TMEM106B: variants seen among roughly 807,000 people sequenced by gnomAD.
TMEM106B encodes the protein transmembrane protein 106B.
A neutral mutation model predicts 31.1 loss-of-function variants in TMEM106B; 15 were observed. That is an observed-to-expected ratio of 0.48 (90% CI 0.32 to 0.74). The LOEUF is 0.74. TMEM106B is among the 30% of genes least tolerant of loss of function. The pLI is 0.03. For synonymous variants in TMEM106B, 126 were observed against 112.5 expected (o/e 1.12, Z -0.76); for missense variants, 283 against 327.3 (o/e 0.86, Z 1.04).
At chr7:12,220,861 T>G (rs1781772016) in intron 3 of TMEM106B, among the ~76,000 whole-genome samples, 1 of 152,112 alleles carries the variant, frequency 6.6e-6, no homozygotes, top group African/African-American at 2.4e-5. Flanking sequence ...AATAGAGGAC[T>G]GATGGAATAA....
At chr7:12,224,187 T>G (rs1219432686) in intron 3 of TMEM106B, 39 bp from the exon 4 acceptor site, 1 of 1,580,608 alleles carries the variant, frequency 6.3e-7, no homozygotes. Context: ...ATATAATTTC[T>G]GATGCACATG....
chr7:12,238,182 T>C lies in TMEM106B; in HGVS notation c.*6207T>C, dbSNP rs147552348. ...AAATAATTTTCTAAATTCTTTATTGTCATTTCAGCAGTGGTCTCAGCATCT... is the reference window on the plus strand; with the variant it reads ...AAATAATTTTCTAAATTCTTTATTGCCATTTCAGCAGTGGTCTCAGCATCT... On this transcript the variant is annotated 3_prime_UTR_variant, in exon 8 of 8. Transcript: ENST00000396668. 4.8e-4 allele frequency: 77 copies of C among 160,376 alleles called. No individual in the cohort carries two copies. Among genetic ancestry groups the C allele is most frequent in the South Asian group, 1.6e-3 (8 of 5,076 alleles). The allele number at this position is 160,376 out of a possible 1,614,324, so 9.9% of individuals were successfully genotyped here. A position where few individuals can be genotyped will look rare whatever the true frequency, so the allele number is the denominator to read the frequency against.
chr7:12,218,353 G>A, intron 2 of TMEM106B, 105 bp from the exon 3 acceptor site: 1 of 790,844 alleles, frequency 1.3e-6, no homozygotes, highest in Non-Finnish European at 2.0e-6. Context: ...GGAAAGAGAT[G>A]AGTGCCAGAT....
intron 3 of TMEM106B, among the ~76,000 whole-genome samples, chr7:12,222,999 G>A (rs1230504345): frequency 1.3e-5 from 2 of 152,132 alleles, no homozygotes; most frequent in African/African-American, 2.4e-5. Context: ...AGATTGTAAG[G>A]AAAATAAGTA....
At chr7:12,221,437 A>G (rs971994348) in intron 3 of TMEM106B, among the ~76,000 whole-genome samples, 2 of 152,198 alleles carry the variant, frequency 1.3e-5, no homozygotes, top group Admixed American at 1.3e-4. Context: ...AGTTTTAGCA[A>G]TAAGACCAAA....
intron 3 of TMEM106B, among the ~76,000 whole-genome samples, chr7:12,222,405 G>T (rs1243658911): frequency 2.6e-5 from 4 of 151,976 alleles, no homozygotes; most frequent in Non-Finnish European, 5.9e-5. Context: ...GTTCGTTATG[G>T]CTACAAACGT....
intron 1 of TMEM106B, among the ~76,000 whole-genome samples, chr7:12,213,796 G>A (rs1281194849): frequency 6.6e-6 from 1 of 152,140 alleles, no homozygotes; most frequent in Non-Finnish European, 1.5e-5. Flanking sequence ...TTCTCTTAAT[G>A]TTTGTTCTGT....
At chr7:12,230,469 GT>G in intron 6 of TMEM106B, 31 bp downstream of exon 6, 2 of 1,366,392 alleles carry the variant, frequency 1.5e-6, no homozygotes, top group Admixed American at 3.8e-5. Flanking sequence ...ACTTTTTATT[GT>G]CAAATAATGA....
intron 4 of TMEM106B, among the ~76,000 whole-genome samples, chr7:12,226,323 A>T (rs1037064379): frequency 1.3e-5 from 2 of 151,974 alleles, no homozygotes; most frequent in African/African-American, 4.8e-5. Context: ...TCTTTTTGCA[A>T]ACAATGTGTG....
intron 4 of TMEM106B, 31 bp from the exon 5 acceptor site, chr7:12,229,648 C>CT: frequency 6.6e-7 from 1 of 1,508,460 alleles, no homozygotes; most frequent in Non-Finnish European, 8.9e-7. Flanking sequence ...TTTTAGCTAA[C>CT]TTGTAAATTT....
intron 2 of TMEM106B, chr7:12,215,643 C>T (rs755089738): frequency 5.1e-6 from 2 of 389,394 alleles, no homozygotes; most frequent in Non-Finnish European, 1.1e-5. Flanking sequence ...ATGTCGAATT[C>T]TTGGGCTCAA....
rs1367569311 is a variant in TMEM106B at position 12,215,249 on chromosome 7, T to C, written c.217+222T>C. On this transcript the variant is annotated intron_variant, in intron 2 of 7. Transcript: ENST00000396668. ...GAAAACCACCTCACTACCTCCAGTATTTTTTCATTCCCACCTGCTATTATA... is the reference window on the plus strand; with the variant it reads ...GAAAACCACCTCACTACCTCCAGTACTTTTTCATTCCCACCTGCTATTATA... Among the ~76,000 whole-genome samples, 3 of 152,194 alleles carry C rather than the reference T, an allele frequency of 2.0e-5. No individual in the cohort carries two copies. The East Asian group carries it at 5.8e-4, about 29-fold the overall frequency.
chr7:12,233,599 A>G lies in TMEM106B; in HGVS notation c.*1624A>G, dbSNP rs1782072220. 6.6e-6 allele frequency: 1 copy of G among 150,548 alleles called. No individual in the cohort carries two copies. Among genetic ancestry groups the G allele is most frequent in the African/African-American group, 2.4e-5 (1 of 41,150 alleles). The allele number at this position is 150,548 out of a possible 1,614,324, so 9.3% of individuals were successfully genotyped here. A position where few individuals can be genotyped will look rare whatever the true frequency, so the allele number is the denominator to read the frequency against. On this transcript the variant is annotated 3_prime_UTR_variant, in exon 8 of 8. Transcript: ENST00000396668. ...TTTGTTTTAACACTAGTCTTCCCTT[A>G]ATTCATTGCTAACTCAAGCCATCCT...
In TMEM106B at chr7:12,234,522, C is replaced by T. The variant is rs575609627; in HGVS notation, c.*2547C>T. 1 of 151,934 alleles carries T rather than the reference C, an allele frequency of 6.6e-6. No individual in the cohort carries two copies. The highest frequency in any genetic ancestry group is 1.5e-5 in the Non-Finnish European group (1 of 67,758). 9.4% of individuals were successfully genotyped at this position (151,934 alleles called of 1,614,324 possible). A position where few individuals can be genotyped will look rare whatever the true frequency, so the allele number is the denominator to read the frequency against. ...ACATTCAGGTGAAGCAGAAGTATAG[C>T]CATAAAACATCTAGAAAGAGTGAAT... is the stretch of plus-strand genomic sequence containing the variant. On this transcript the variant is annotated 3_prime_UTR_variant, in exon 8 of 8. Coordinates refer to ENST00000396668, the MANE Select transcript of TMEM106B (RefSeq NM_001134232.2).
intron 1 of TMEM106B, 49 bp from the exon 2 acceptor site, chr7:12,214,760 A>G (rs1781653240): frequency 7.1e-7 from 1 of 1,398,674 alleles, no homozygotes; most frequent in South Asian, 1.3e-5. Flanking sequence ...GTGTTCTTGA[A>G]TGTACTTTTT....
At position 12,235,123 on chromosome 7, in the gene TMEM106B, A is replaced by G. The variant is rs1344124025; in HGVS notation, c.*3148A>G. On this transcript the variant is annotated 3_prime_UTR_variant, in exon 8 of 8. Coordinates refer to ENST00000396668, the MANE Select transcript of TMEM106B (RefSeq NM_001134232.2). ...GATTTTGGTAGCATTGTTTTCTAAA[A>G]TATTTTAAATGGAGAATGAACACTT... 1.3e-5 allele frequency: 2 copies of G among 152,372 alleles called. No homozygotes were observed. Among genetic ancestry groups the G allele is most frequent in the Non-Finnish European group, 2.9e-5 (2 of 67,850 alleles). 9.4% of individuals were successfully genotyped at this position (152,372 alleles called of 1,614,324 possible). A position where few individuals can be genotyped will look rare whatever the true frequency, so the allele number is the denominator to read the frequency against.
rs1781697052 is a variant in TMEM106B, at chr7:12,216,900, A to G, written c.218-1558A>G. 3.3e-5 allele frequency among the ~76,000 whole-genome samples: 5 copies of G among 152,302 alleles called. No individual in the cohort carries two copies. The South Asian group carries it at 1.0e-3, about 32-fold the overall frequency. On this transcript the variant is annotated intron_variant, in intron 2 of 7. Coordinates refer to ENST00000396668, the MANE Select transcript of TMEM106B (RefSeq NM_001134232.2). ...GTTTTGGTAAAGACGTGTAGCATGT[A>G]TAGAGTGGGCTCAAGAGTGCATAGG...
In TMEM106B at chr7:12,232,844, C is replaced by T. The variant is rs1782053173; in HGVS notation, c.*869C>T. The T allele has an allele frequency of 6.6e-6, 1 of 151,924 alleles. No homozygotes were observed. The highest frequency in any genetic ancestry group is 2.4e-5 in the African/African-American group (1 of 41,390). 9.4% of individuals were successfully genotyped at this position (151,924 alleles called of 1,614,324 possible). A position where few individuals can be genotyped will look rare whatever the true frequency, so the allele number is the denominator to read the frequency against. Reference sequence around the variant, plus strand: ...AAACCCATAGACTGGGAATAGGTTCCAGTTACAGCTTGGATCTGGCATAAA... The same window carrying T: ...AAACCCATAGACTGGGAATAGGTTCTAGTTACAGCTTGGATCTGGCATAAA... On this transcript the variant is annotated 3_prime_UTR_variant, in exon 8 of 8. Transcript: ENST00000396668.
rs1440950412 is a variant in TMEM106B, at chr7:12,238,681, A to C, written c.*6706A>C. 1 of 152,164 alleles carries C rather than the reference A, an allele frequency of 6.6e-6. No homozygotes were observed. The highest frequency in any genetic ancestry group is 2.4e-5 in the African/African-American group (1 of 41,440). The allele number at this position is 152,164 out of a possible 1,614,324, so 9.4% of individuals were successfully genotyped here. A position where few individuals can be genotyped will look rare whatever the true frequency, so the allele number is the denominator to read the frequency against. On this transcript the variant is annotated 3_prime_UTR_variant, in exon 8 of 8. Transcript: ENST00000396668. Reference sequence around the variant, plus strand: ...CGTTGTGTTAAGAGGCATGAAAACAACATTAATCTATTTGTACATCATCAG... The same window carrying C: ...CGTTGTGTTAAGAGGCATGAAAACACCATTAATCTATTTGTACATCATCAG...
Sources: allele counts gnomAD v4.1 joint callset (sites outside exome capture counted in the v4.1 genomes callset), GRCh38; gene constraint gnomAD v4.1.1; transcripts MANE v1.5; gene names NCBI Gene and HGNC (gene_info 2026-07-23, HGNC 2026-07-21).